EYS: variants seen among roughly 807,000 people sequenced by gnomAD.
EYS encodes the protein EGF-like photoreceptor maintenance factor, also known as protein eyes shut homolog.
A neutral mutation model predicts 282.1 loss-of-function variants in EYS; 250 were observed. That is an observed-to-expected ratio of 0.89 (90% CI 0.80 to 0.98). The LOEUF (loss-of-function observed/expected upper bound fraction) is 0.98, where lower values mean the gene tolerates loss of function less well. Among genes scored for constraint, EYS ranks in the 50% least tolerant of loss-of-function variants. EYS has a pLI of 0.00. For missense variants in EYS, 4,016 were observed against 3,709.0 expected (o/e 1.08, Z -2.15); for synonymous variants, 1,355 against 1,282.9 (o/e 1.06, Z -1.20).
At chr6:63,873,378 A>C (rs1772870047) in intron 35 of EYS, among the ~76,000 whole-genome samples, 1 of 152,164 alleles carries the variant, frequency 6.6e-6, no homozygotes, top group Admixed American at 6.5e-5. Context: ...TATATGTGAC[A>C]CATTTTCTTA....
At chr6:65,353,744 T>A (rs566270392) in intron 8 of EYS, 127 bp from the exon 9 acceptor site, 2 of 696,940 alleles carry the variant, frequency 2.9e-6, no homozygotes, top group South Asian at 3.5e-5. Context: ...GACACACTTT[T>A]TATACTTCTC....
At chr6:65,031,131 ATAT>A (rs1388709527) in intron 13 of EYS, among the ~76,000 whole-genome samples, 2 of 139,870 alleles carry the variant, frequency 1.4e-5, no homozygotes, top group Non-Finnish European at 3.0e-5. Context: ...ATTATATATA[ATAT>A]TTTATATTTT....
At chr6:64,189,897 CA>C (rs1194935217) in intron 31 of EYS, among the ~76,000 whole-genome samples, 1 of 152,098 alleles carries the variant, frequency 6.6e-6, no homozygotes, top group South Asian at 2.1e-4. Flanking sequence ...TGGTCCTTTA[CA>C]AAAAAGTTTC....
At chr6:65,515,952 TA>T (rs1394707970) in intron 2 of EYS, among the ~76,000 whole-genome samples, 1 of 151,778 alleles carries the variant, frequency 6.6e-6, no homozygotes, top group African/African-American at 2.4e-5. Context: ...AATAATAAAA[TA>T]AAATTCTTCT....
intron 2 of EYS, among the ~76,000 whole-genome samples, chr6:65,511,960 G>C (rs916102406): frequency 3.6e-5 from 5 of 138,814 alleles, no homozygotes; most frequent in South Asian, 2.3e-4. Flanking sequence ...ACTCCAGCCT[G>C]GGTGATGCAG....
chr6:64,547,126 G>A (rs1041305572), intron 26 of EYS, among the ~76,000 whole-genome samples: 5 of 152,154 alleles, frequency 3.3e-5, no homozygotes, highest in African/African-American at 4.8e-5. Flanking sequence ...TTTGCGGTGA[G>A]TGTTACAGCT....
At chr6:64,411,112 G>A (rs1015948409) in intron 28 of EYS, among the ~76,000 whole-genome samples, 28 of 152,154 alleles carry the variant, frequency 1.8e-4, no homozygotes, top group African/African-American at 6.7e-4. Flanking sequence ...CTTCCTTAAA[G>A]GGATGTTGAA....
chr6:64,657,432 G>A (rs1768791840), intron 22 of EYS, among the ~76,000 whole-genome samples: 1 of 152,178 alleles, frequency 6.6e-6, no homozygotes, highest in Non-Finnish European at 1.5e-5. Context: ...ATTAGTTGAT[G>A]CAGTTTCTTC....
chr6:64,372,738 T>G lies in EYS; in HGVS notation c.6078+15952A>C, dbSNP rs1228616351. ...CCATATTTGTCAGAGATTTTGTTCA[T>G]TCTTTATTGTTTTTCCTTTATTTTT... On this transcript the variant is annotated intron_variant, in intron 29 of 42. Transcript: ENST00000503581. Among the ~76,000 whole-genome samples the G allele has an allele frequency of 2.0e-5, 3 of 152,202 alleles. No individual in the cohort carries two copies. The South Asian group carries it at 6.2e-4, about 31-fold the overall frequency.
Position 64,904,138 on chromosome 6 carries a change from A to AT in EYS, c.2642-1639dup, listed in dbSNP as rs1767752849. The stretch of plus-strand genomic sequence containing the variant: ...AACATAACAACAATGATAGGTTAAC[A>AT]TTTAAAAGATGGAATGATCACACAC... On this transcript the variant is annotated intron_variant, in intron 16 of 42. Transcript: ENST00000503581. Among the ~76,000 whole-genome samples the AT allele has an allele frequency of 2.6e-5, 4 of 152,308 alleles. No individual in the cohort carries two copies. The South Asian group carries it at 8.3e-4, about 32-fold the overall frequency.
At chr6:64,125,154 G>GCGCGCGCGCGCGCTCTCTCTC (rs1773724746) in intron 31 of EYS, among the ~76,000 whole-genome samples, 2 of 145,332 alleles carry the variant, frequency 1.4e-5, no homozygotes, top group African/African-American at 5.2e-5. Context: ...CACACTCTCT[G>GCGCGCGCGCGCGCTCTCTCTC]TCTCTCTCTC....
chr6:64,040,487 T>C (rs1274139837), intron 33 of EYS, among the ~76,000 whole-genome samples: 1 of 152,238 alleles, frequency 6.6e-6, no homozygotes, highest in Non-Finnish European at 1.5e-5. Flanking sequence ...GAATTTTAAA[T>C]TTTGTATTAT....
intron 29 of EYS, among the ~76,000 whole-genome samples, chr6:64,336,900 T>C (rs565754253): frequency 5.9e-5 from 9 of 152,038 alleles, no homozygotes; most frequent in Non-Finnish European, 1.2e-4. Context: ...GAAGACAAGA[T>C]GGAAATTTAA....
chr6:64,308,909 G>A (rs1769562855), intron 29 of EYS, among the ~76,000 whole-genome samples: 1 of 152,096 alleles, frequency 6.6e-6, no homozygotes. Context: ...ATATGCTGCA[G>A]TTGGGAAAGT....
rs1260312589 is a variant in EYS at position 65,026,916 on chromosome 6, C to CAAAAAAAAA, written c.2138-29222_2138-29214dup. On this transcript the variant is annotated intron_variant, in intron 13 of 42. Coordinates refer to ENST00000503581, the MANE Select transcript of EYS (RefSeq NM_001142800.2). ...TGGGCGACAGAGTGAGACTCCGTCT[C>CAAAAAAAAA]AAAAAAAAAAAAAAGATTCAGATAT... 1.4e-3 allele frequency among the ~76,000 whole-genome samples: 156 copies of CAAAAAAAAA among 107,816 alleles called. 7 individuals are homozygous for CAAAAAAAAA. The highest frequency in any genetic ancestry group is 2.6e-3 in the Non-Finnish European group (130 of 50,348). The allele number at this position is 107,816 out of a possible 152,430, so 70.7% of individuals were successfully genotyped here. A position where few individuals can be genotyped will look rare whatever the true frequency, so the allele number is the denominator to read the frequency against.
At chr6:65,317,300 G>T (rs1208548603) in intron 11 of EYS, among the ~76,000 whole-genome samples, 1 of 152,000 alleles carries the variant, frequency 6.6e-6, no homozygotes, top group African/African-American at 2.4e-5. Context: ...TTATTTTCTG[G>T]AGTCAATTTT....
At chr6:64,205,157 G>A (rs950502487) in intron 31 of EYS, among the ~76,000 whole-genome samples, 3 of 152,098 alleles carry the variant, frequency 2.0e-5, no homozygotes, top group African/African-American at 7.2e-5. Flanking sequence ...TTCACAGAGG[G>A]ATTGCTTAAA....
chr6:65,433,417 T>TA (rs778675186), intron 5 of EYS, among the ~76,000 whole-genome samples: 17 of 151,324 alleles, frequency 1.1e-4, no homozygotes, highest in African/African-American at 3.2e-4. Context: ...GGTACATGAT[T>TA]TAAAAAAAAC....
intron 31 of EYS, among the ~76,000 whole-genome samples, chr6:64,226,450 G>T (rs1043401166): frequency 6.6e-6 from 1 of 151,944 alleles, no homozygotes; most frequent in African/African-American, 2.4e-5. Flanking sequence ...ACACTAAAAG[G>T]TATGGGCCTG....
Sources: gnomAD v4.1 joint callset for allele counts (sites outside exome capture counted in the v4.1 genomes callset) on GRCh38, gnomAD v4.1.1 for gene constraint, MANE v1.5 for transcripts, NCBI Gene and HGNC (gene_info 2026-07-23, HGNC 2026-07-21) for gene names.